Variants in ZFHX3 observed in about 807,000 individuals in gnomAD.
ZFHX3 encodes the protein zinc finger homeobox protein 3.
Under a neutral mutation model 279.1 loss-of-function variants are expected in ZFHX3, and 42 were observed. The ratio of observed to expected loss-of-function variants is 0.15; its 90% CI spans 0.12 to 0.19. ZFHX3 has a LOEUF of 0.19. Ranked by LOEUF, ZFHX3 falls within the 10% of genes least tolerant of loss-of-function variation. ZFHX3 has a pLI of 1.00. For synonymous variants in ZFHX3, 2,293 were observed against 1,957.8 expected, an observed-to-expected ratio of 1.17 and a Z score of -4.52; for missense variants, 4,981 against 4,754.0, an observed-to-expected ratio of 1.05 and a Z score of -1.40.
chr16:73,835,438 C>G (rs925169306), intron 1 of ZFHX3, among the ~76,000 whole-genome samples: 1 of 148,836 alleles, frequency 6.7e-6, no homozygotes, highest in African/African-American at 2.5e-5. Context: ...CGCCAACTTT[C>G]CTCCACCATC....
intron 4 of ZFHX3, among the ~76,000 whole-genome samples, chr16:73,290,320 C>T (rs1356291818): frequency 6.6e-6 from 1 of 152,090 alleles, no homozygotes; most frequent in Non-Finnish European, 1.5e-5. Flanking sequence ...GGAAGCTCAT[C>T]TGGGAGGTCA....
intron 2 of ZFHX3, among the ~76,000 whole-genome samples, chr16:73,513,838 C>T (rs557870061): frequency 2.0e-4 from 30 of 152,130 alleles, no homozygotes; most frequent in South Asian, 8.4e-4. Context: ...ACAGAGAAGA[C>T]GCTGAACAAG....
intron 3 of ZFHX3, among the ~76,000 whole-genome samples, chr16:72,902,801 T>C (rs1248853537): frequency 6.6e-6 from 1 of 152,060 alleles, no homozygotes; most frequent in African/African-American, 2.4e-5. Context: ...GAGCCTTTCA[T>C]GGACGGGCCT....
At chr16:73,846,567 G>A (rs934606765) in intron 1 of ZFHX3, among the ~76,000 whole-genome samples, 1 of 152,184 alleles carries the variant, frequency 6.6e-6, no homozygotes, top group African/African-American at 2.4e-5. Flanking sequence ...ACACGCTAAT[G>A]AATGAATGGA....
At chr16:73,262,978 C>T (rs1004840501) in intron 4 of ZFHX3, among the ~76,000 whole-genome samples, 7 of 152,144 alleles carry the variant, frequency 4.6e-5, no homozygotes, top group Admixed American at 3.3e-4. Flanking sequence ...AAGCCACCAG[C>T]AGGCTACAGA....
chr16:73,105,384 C>CACACACATATATATATAT (rs1567389793), intron 7 of ZFHX3, among the ~76,000 whole-genome samples: 24 of 43,166 alleles, frequency 5.6e-4, no homozygotes, highest in South Asian at 2.0e-3. Context: ...TATATATATA[C>CACACACATATATATATAT]ACACACACAC....
At chr16:73,689,817 G>GGT (rs2053128949) in intron 1 of ZFHX3, among the ~76,000 whole-genome samples, 15 of 141,224 alleles carry the variant, frequency 1.1e-4, no homozygotes, top group Admixed American at 1.1e-3. Flanking sequence ...TTTGTTTTTT[G>GGT]TTTTTTTTGT....
intron 1 of ZFHX3, among the ~76,000 whole-genome samples, chr16:73,026,445 G>A (rs1567639328): frequency 6.6e-6 from 1 of 152,038 alleles, no homozygotes. Flanking sequence ...GCCAAGGCGG[G>A]TGGATCACCT....
intron 5 of ZFHX3, among the ~76,000 whole-genome samples, chr16:72,823,734 A>G (rs953500587): frequency 3.9e-5 from 6 of 152,192 alleles, no homozygotes; most frequent in African/African-American, 1.2e-4. Flanking sequence ...GTCATAATTT[A>G]TGAAGCTCCA....
intron 1 of ZFHX3, among the ~76,000 whole-genome samples, chr16:73,023,043 C>T (rs941264792): frequency 6.6e-6 from 1 of 152,190 alleles, no homozygotes; most frequent in Non-Finnish European, 1.5e-5. Context: ...ACCTGGCCAA[C>T]ATGGCAAAAC....
chr16:72,973,735 A>C (rs1962210998), intron 1 of ZFHX3: 1 of 152,166 alleles, frequency 6.6e-6, no homozygotes, highest in African/African-American at 2.4e-5. Flanking sequence ...AGCCAGGCGT[A>C]GTGGTGGGCG....
chr16:73,160,772 C>CTTT (rs200196890), intron 5 of ZFHX3, among the ~76,000 whole-genome samples: 21 of 127,956 alleles, frequency 1.6e-4, no homozygotes, highest in African/African-American at 4.7e-4. Context: ...CTTTTCTCTT[C>CTTT]TTTTTTTTTT....
chr16:72,935,377 G>A (rs1418413207), intron 3 of ZFHX3, among the ~76,000 whole-genome samples: 2 of 152,186 alleles, frequency 1.3e-5, no homozygotes, highest in African/African-American at 2.4e-5. Flanking sequence ...AGCAGGAGAG[G>A]AGCCTCTAGG....
chr16:73,373,147 G>A (rs983276355), intron 3 of ZFHX3, among the ~76,000 whole-genome samples: 12 of 152,136 alleles, frequency 7.9e-5, no homozygotes, highest in Non-Finnish European at 1.3e-4. Context: ...AGGTTTGGGG[G>A]GGGGGTGGTT....
intron 1 of ZFHX3, among the ~76,000 whole-genome samples, chr16:72,990,076 C>T (rs934024985): frequency 9.9e-5 from 15 of 151,984 alleles, no homozygotes; most frequent in African/African-American, 3.4e-4. Context: ...TTCCCCCCAC[C>T]GTTTCTGTTC....
intron 5 of ZFHX3, among the ~76,000 whole-genome samples, chr16:73,244,061 C>G (rs997903393): frequency 1.3e-5 from 2 of 152,106 alleles, no homozygotes; most frequent in African/African-American, 2.4e-5. Context: ...GCCCTCCTTT[C>G]AAAGAAAGGC....
At chr16:73,883,351 GA>G (rs1205822487) in intron 1 of ZFHX3, among the ~76,000 whole-genome samples, 2 of 151,842 alleles carry the variant, frequency 1.3e-5, no homozygotes, top group African/African-American at 4.8e-5. Context: ...GTTACTCCAG[GA>G]ATGAGTTTAG....
Position 73,333,768 on chromosome 16 carries a change from T to A in ZFHX3, c.-1290-15432A>T, listed in dbSNP as rs558361210. On this transcript the variant is annotated intron_variant, in intron 3 of 17. Transcript: ENST00000641206. Reference sequence around the variant, plus strand: ...CTGAGATTTGGCAACAAATCAGATGTGGGATGAGGTCAAAGGAAGTTTTCA... The same window carrying A: ...CTGAGATTTGGCAACAAATCAGATGAGGGATGAGGTCAAAGGAAGTTTTCA... 2.4e-5 allele frequency among the ~76,000 whole-genome samples: 3 copies of A among 125,076 alleles called. No homozygotes were observed. In the East Asian group the frequency reaches 6.9e-4, roughly 29 times the overall value. 82.1% of individuals were successfully genotyped at this position (125,076 alleles called of 152,430 possible).
chr16:73,472,541 G>C (rs1273269329), intron 2 of ZFHX3, among the ~76,000 whole-genome samples: 1 of 152,180 alleles, frequency 6.6e-6, no homozygotes, highest in African/African-American at 2.4e-5. Flanking sequence ...GATGGATCAT[G>C]AGTGCCTGAG....
Sources: allele counts gnomAD v4.1 joint callset (sites outside exome capture counted in the v4.1 genomes callset), GRCh38; gene constraint gnomAD v4.1.1; transcripts MANE v1.5; gene names NCBI Gene and HGNC (gene_info 2026-07-23, HGNC 2026-07-21).